RNF13: variants seen among roughly 807,000 people sequenced by gnomAD.
The protein encoded by RNF13 is ring finger protein 13.
A neutral mutation model predicts 37.7 loss-of-function variants in RNF13; 19 were observed. The observed-to-expected ratio is 0.50, with a 90% CI of 0.35 to 0.74. The LOEUF is 0.74. Ranked by LOEUF, RNF13 falls within the 30% of genes least tolerant of loss-of-function variation. RNF13 has a pLI of 0.01. For synonymous variants in RNF13, 144 were observed against 157.8 expected, an observed-to-expected ratio of 0.91 and a Z score of 0.65; for missense variants, 375 against 453.0, an observed-to-expected ratio of 0.83 and a Z score of 1.56.
At chr3:149,871,541 G>A (rs772947331) in intron 3 of RNF13, among the ~76,000 whole-genome samples, 9 of 151,236 alleles carry the variant, frequency 6.0e-5, no homozygotes, top group Non-Finnish European at 1.0e-4. Context: ...TTGTGGATAT[G>A]CATGATTTCC....
At chr3:149,884,326 C>G (rs1713767133) in intron 4 of RNF13, among the ~76,000 whole-genome samples, 2 of 151,678 alleles carry the variant, frequency 1.3e-5, no homozygotes, top group Non-Finnish European at 2.9e-5. Context: ...TACTGTAGCA[C>G]TACTATTTTA....
chr3:149,869,142 T>C lies in RNF13; in HGVS notation c.196-2887T>C, dbSNP rs75836802. Among the ~76,000 whole-genome samples, 125 of 151,886 alleles carry C rather than the reference T, an allele frequency of 8.2e-4. 1 individual carries two copies. The highest frequency in any genetic ancestry group is 2.9e-3 in the African/African-American group (121 of 41,532). On this transcript the variant is annotated intron_variant, in intron 3 of 9. Coordinates refer to ENST00000392894, the MANE Select transcript of RNF13 (RefSeq NM_183381.3). ...CTGATGTTGAGAGCCTTTAATGAAT[T>C]TTTCAGGTCAGCAGATGTATTTCTC... is the stretch of plus-strand genomic sequence containing the variant.
chr3:149,845,615 A>C (rs1576753684), intron 1 of RNF13, among the ~76,000 whole-genome samples: 2 of 152,196 alleles, frequency 1.3e-5, no homozygotes, highest in Non-Finnish European at 1.5e-5. Flanking sequence ...CAGAAGTAAA[A>C]ATTTTTTAAG....
intron 4 of RNF13, among the ~76,000 whole-genome samples, chr3:149,877,472 C>CTTTTTTTTTTT (rs369676407): frequency 3.0e-5 from 3 of 101,480 alleles, no homozygotes; most frequent in Non-Finnish European, 4.1e-5. Flanking sequence ...TTCTTTCTGT[C>CTTTTTTTTTTT]TTTTTTTTTT....
chr3:149,903,418 T>G (rs1011803343), intron 6 of RNF13, among the ~76,000 whole-genome samples: 4 of 152,070 alleles, frequency 2.6e-5, no homozygotes, highest in African/African-American at 7.2e-5. Flanking sequence ...TAGCAAAATA[T>G]GGAAAAATTG....
At chr3:149,883,152 T>C (rs1713611993) in intron 4 of RNF13, among the ~76,000 whole-genome samples, 1 of 152,134 alleles carries the variant, frequency 6.6e-6, no homozygotes, top group Admixed American at 6.5e-5. Flanking sequence ...CTTATAGTTG[T>C]TTTCTTTTTA....
At chr3:149,891,113 TGC>T (rs1714648231) in intron 4 of RNF13, among the ~76,000 whole-genome samples, 1 of 152,232 alleles carries the variant, frequency 6.6e-6, no homozygotes, top group African/African-American at 2.4e-5. Flanking sequence ...GGCAACCCCA[TGC>T]TTCTCTATCT....
At chr3:149,899,444 G>A (rs568703853) in intron 5 of RNF13, among the ~76,000 whole-genome samples, 25 of 152,134 alleles carry the variant, frequency 1.6e-4, no homozygotes, top group African/African-American at 5.8e-4. Flanking sequence ...GCAAGACTCC[G>A]TCTCCAAATG....
chr3:149,900,509 G>A (rs1419580873), intron 5 of RNF13, among the ~76,000 whole-genome samples: 1 of 152,018 alleles, frequency 6.6e-6, no homozygotes, highest in African/African-American at 2.4e-5. Context: ...AGGAGTTACA[G>A]GCTGTAGTAC....
At chr3:149,935,527 GTTTATT>G (rs1302496644) in intron 8 of RNF13, among the ~76,000 whole-genome samples, 1 of 151,830 alleles carries the variant, frequency 6.6e-6, no homozygotes, top group Non-Finnish European at 1.5e-5. Context: ...ATTCCTTGCT[GTTTATT>G]TTTAGTGTTA....
At chr3:149,949,973 C>T (rs1007358549) in intron 8 of RNF13, among the ~76,000 whole-genome samples, 1 of 151,924 alleles carries the variant, frequency 6.6e-6, no homozygotes, top group South Asian at 2.1e-4. Flanking sequence ...CATATTATTC[C>T]ATTTTTTCCG....
intron 8 of RNF13, among the ~76,000 whole-genome samples, chr3:149,947,462 T>C (rs1720878402): frequency 6.6e-6 from 1 of 151,986 alleles, no homozygotes; most frequent in African/African-American, 2.4e-5. Context: ...TTGAGCGAAG[T>C]GGTGCAATCT....
At chr3:149,877,925 T>G (rs1006951148) in intron 4 of RNF13, among the ~76,000 whole-genome samples, 2 of 152,146 alleles carry the variant, frequency 1.3e-5, no homozygotes, top group African/African-American at 4.8e-5. Flanking sequence ...AATTGGTAAA[T>G]ATACTTGCAT....
chr3:149,959,935 C>T lies in RNF13; in HGVS notation c.701-121C>T, dbSNP rs1722216795. 5 of 631,014 alleles carry T rather than the reference C, an allele frequency of 7.9e-6. No individual in the cohort carries two copies. In the South Asian group the frequency reaches 8.7e-5, roughly 11 times the overall value. 39.1% of individuals were successfully genotyped at this position (631,014 alleles called of 1,614,324 possible). ...GGTCCTAGGACTTAGATAAGCAGAT[C>T]CTTGAGTCCGATGCAAAAGGCATCA... On this transcript the variant is annotated intron_variant, in intron 8 of 9. Coordinates refer to ENST00000392894, the MANE Select transcript of RNF13 (RefSeq NM_183381.3).
chr3:149,890,183 C>A (rs116614941), intron 4 of RNF13, among the ~76,000 whole-genome samples: 1 of 152,190 alleles, frequency 6.6e-6, no homozygotes, highest in Non-Finnish European at 1.5e-5. Flanking sequence ...TATTCTTTCA[C>A]GTCATTGCTG....
intron 8 of RNF13, among the ~76,000 whole-genome samples, chr3:149,951,249 AT>A (rs1333650849): frequency 6.6e-6 from 1 of 152,092 alleles, no homozygotes; most frequent in Admixed American, 6.6e-5. Context: ...GACTCTTTGT[AT>A]TTGCTGTCTG....
chr3:149,945,111 G>A (rs185927101), intron 8 of RNF13, among the ~76,000 whole-genome samples: 1 of 152,212 alleles, frequency 6.6e-6, no homozygotes, highest in African/African-American at 2.4e-5. Flanking sequence ...TCAAAGATCA[G>A]ATGGTTGTAG....
intron 1 of RNF13, among the ~76,000 whole-genome samples, chr3:149,834,320 T>C (rs538612855): frequency 4.8e-4 from 73 of 152,362 alleles, no homozygotes; most frequent in African/African-American, 1.8e-3. Context: ...GTAGGTCGTA[T>C]ACTTCCTGAT....
intron 1 of RNF13, among the ~76,000 whole-genome samples, chr3:149,835,571 T>G (rs1413778113): frequency 6.6e-6 from 1 of 152,004 alleles, no homozygotes; most frequent in African/African-American, 2.4e-5. Flanking sequence ...TAGTTTCCAG[T>G]TCTATCTAGG....
Sources: gnomAD v4.1 joint callset for allele counts (sites outside exome capture counted in the v4.1 genomes callset) on GRCh38, gnomAD v4.1.1 for gene constraint, MANE v1.5 for transcripts, NCBI Gene and HGNC (gene_info 2026-07-23, HGNC 2026-07-21) for gene names.